The following ASAP1 variants were observed in gnomAD, a reference collection of about 807,000 sequenced individuals.
ASAP1 encodes the protein ArfGAP with SH3 domain, ankyrin repeat and PH domain 1.
A neutral mutation model predicts 145.2 loss-of-function variants in ASAP1; 43 were observed. That is an observed-to-expected ratio of 0.30 (90% confidence interval 0.23 to 0.38). ASAP1 has a LOEUF of 0.38. ASAP1 is among the 10% of genes least tolerant of loss of function. ASAP1 has a pLI of 1.00. For synonymous variants in ASAP1, 546 were observed against 515.5 expected, an observed-to-expected ratio of 1.06 and a Z score of -0.80; for missense variants, 1,018 against 1,355.3, an observed-to-expected ratio of 0.75 and a Z score of 3.91.
chr8:130,102,753 T>C (rs1445208449), intron 24 of ASAP1, among the ~76,000 whole-genome samples: 2 of 152,218 alleles, frequency 1.3e-5, no homozygotes, highest in Non-Finnish European at 2.9e-5. Context: ...TGGTGTGATC[T>C]TGACTCACTG....
At chr8:130,347,925 T>C (rs1391025743) in intron 3 of ASAP1, among the ~76,000 whole-genome samples, 1 of 152,152 alleles carries the variant, frequency 6.6e-6, no homozygotes, top group Admixed American at 6.5e-5. Flanking sequence ...ATGTATTTCA[T>C]TTTGCTGGGG....
At chr8:130,244,696 G>A (rs1421314100) in intron 3 of ASAP1, among the ~76,000 whole-genome samples, 1 of 152,120 alleles carries the variant, frequency 6.6e-6, no homozygotes, top group Non-Finnish European at 1.5e-5. Context: ...TAAGTTTCAC[G>A]GGGTTCCAGG....
chr8:130,099,688 T>TC, intron 24 of ASAP1, among the ~76,000 whole-genome samples: 1 of 133,408 alleles, frequency 7.5e-6, no homozygotes, highest in African/African-American at 2.7e-5. Context: ...TTCTTTTTTT[T>TC]TTTTTTTTTT....
At chr8:130,285,923 C>T (rs1157128072) in intron 3 of ASAP1, among the ~76,000 whole-genome samples, 1 of 151,908 alleles carries the variant, frequency 6.6e-6, no homozygotes, top group Non-Finnish European at 1.5e-5. Flanking sequence ...TTTACTGGAA[C>T]AGATATCATA....
At chr8:130,208,814 C>G (rs1308731980) in intron 5 of ASAP1, 1 of 152,154 alleles carries the variant, frequency 6.6e-6, no homozygotes, top group African/African-American at 2.4e-5. Flanking sequence ...ACTTCTGAAT[C>G]TATGACTTGA....
Position 130,293,199 on chromosome 8 carries a change from T to C in ASAP1, c.187-56205A>G, listed in dbSNP as rs1183779715. ...GGGGATCTCTTTAAAATACAGATTCTGATTCAGCAGGTCTGACGAGGAGGC... is the reference window on the plus strand; with the variant it reads ...GGGGATCTCTTTAAAATACAGATTCCGATTCAGCAGGTCTGACGAGGAGGC... On this transcript the variant is annotated intron_variant, in intron 3 of 29. Transcript: ENST00000518721. Among the ~76,000 whole-genome samples, 3 of 152,220 alleles carry C rather than the reference T, an allele frequency of 2.0e-5. No homozygotes were observed. In the East Asian group the frequency reaches 5.8e-4, roughly 29 times the overall value.
intron 24 of ASAP1, among the ~76,000 whole-genome samples, chr8:130,110,714 T>C (rs1287963526): frequency 1.3e-5 from 2 of 152,222 alleles, no homozygotes; most frequent in Non-Finnish European, 2.9e-5. Flanking sequence ...TATTACTTTA[T>C]GATCTATGAG....
intron 27 of ASAP1, among the ~76,000 whole-genome samples, chr8:130,072,824 T>TGTGTGCGCGCGCGCGCGCGCGCGCGC: frequency 3.1e-5 from 1 of 32,282 alleles, no homozygotes; most frequent in Non-Finnish European, 5.7e-5. Context: ...TGTGTGTGTG[T>TGTGTGCGCGCGCGCGCGCGCGCGCGC]GCGCGCGGGG....
chr8:130,103,964 C>T (rs906665583), intron 24 of ASAP1, among the ~76,000 whole-genome samples: 8 of 152,138 alleles, frequency 5.3e-5, no homozygotes, highest in Non-Finnish European at 8.8e-5. Flanking sequence ...TAATCCATCC[C>T]CTCTTCCCTG....
rs183583819 is a variant in ASAP1, at chr8:130,402,994, C to T, written c.-27-1024G>A. On this transcript the variant is annotated intron_variant, in intron 1 of 29. Coordinates refer to ENST00000518721, the MANE Select transcript of ASAP1 (RefSeq NM_018482.4). Reference sequence around the variant, plus strand: ...AAACAGAGAAGTGTATCATATACCCCCTGAACCCACCAGCCAGTCTAATCA... The same window carrying T: ...AAACAGAGAAGTGTATCATATACCCTCTGAACCCACCAGCCAGTCTAATCA... Among the ~76,000 whole-genome samples, 4 of 152,098 alleles carry T rather than the reference C, an allele frequency of 2.6e-5. No individual in the cohort carries two copies. In the East Asian group the frequency reaches 7.7e-4, roughly 29 times the overall value.
chr8:130,359,337 C>T (rs921570202), intron 2 of ASAP1, among the ~76,000 whole-genome samples: 2 of 152,134 alleles, frequency 1.3e-5, no homozygotes, highest in East Asian at 1.9e-4. Context: ...CCTCACTCCT[C>T]GGCCTTGACA....
intron 3 of ASAP1, among the ~76,000 whole-genome samples, chr8:130,276,234 G>A (rs1820873769): frequency 6.6e-6 from 1 of 152,158 alleles, no homozygotes; most frequent in Non-Finnish European, 1.5e-5. Flanking sequence ...AGAAGGCTGG[G>A]GGGCACTGGG....
rs1815706763 is a variant in ASAP1, at chr8:130,199,216, G to A, written c.406-11033C>T. ...TAGAGCAAAGCTTCTTGGAGGCAGA[G>A]GCTATGACTGCTTTGCCCACCATTG... On this transcript the variant is annotated intron_variant, in intron 5 of 29. Transcript: ENST00000518721. Among the ~76,000 whole-genome samples, 5 of 152,200 alleles carry A rather than the reference G, an allele frequency of 3.3e-5. No homozygotes were observed. In the South Asian group the frequency reaches 1.0e-3, roughly 31 times the overall value.
At chr8:130,097,351 T>C (rs904431487) in intron 24 of ASAP1, among the ~76,000 whole-genome samples, 2 of 152,026 alleles carry the variant, frequency 1.3e-5, no homozygotes, top group African/African-American at 4.8e-5. Flanking sequence ...ATGTGTCTTC[T>C]GATCTGTTCT....
At chr8:130,277,818 C>T (rs183696725) in intron 3 of ASAP1, among the ~76,000 whole-genome samples, 7 of 152,280 alleles carry the variant, frequency 4.6e-5, no homozygotes, top group Admixed American at 4.6e-4. Context: ...TGTCTGTTGA[C>T]GAAGGGCTGT....
intron 1 of ASAP1, among the ~76,000 whole-genome samples, chr8:130,415,318 A>T (rs1243618988): frequency 2.0e-5 from 3 of 151,228 alleles, no homozygotes; most frequent in Non-Finnish European, 4.4e-5. Context: ...AAATTTAAAA[A>T]CTAGTGGGGT....
intron 13 of ASAP1, among the ~76,000 whole-genome samples, chr8:130,149,206 A>C (rs917738876): frequency 1.3e-5 from 2 of 148,500 alleles, no homozygotes; most frequent in East Asian, 3.9e-4. Context: ...GTATTTTGAA[A>C]TGAAAGCATC....
chr8:130,401,047 A>AT (rs1308918192), intron 2 of ASAP1, among the ~76,000 whole-genome samples: 17 of 150,428 alleles, frequency 1.1e-4, no homozygotes, highest in African/African-American at 3.9e-4. Flanking sequence ...CACCCGGCTA[A>AT]TTTTTTGTAT....
intron 3 of ASAP1, among the ~76,000 whole-genome samples, chr8:130,293,903 A>G (rs931827176): frequency 2.0e-5 from 3 of 152,212 alleles, no homozygotes; most frequent in Non-Finnish European, 2.9e-5. Context: ...CTGGCTGCTG[A>G]GGGAGCAACA....
Sources: allele counts gnomAD v4.1 joint callset (sites outside exome capture counted in the v4.1 genomes callset), GRCh38; gene constraint gnomAD v4.1.1; transcripts MANE v1.5; gene names NCBI Gene and HGNC (gene_info 2026-07-23, HGNC 2026-07-21).